Variants in GNAT3 observed in about 807,000 individuals in gnomAD.
The protein encoded by GNAT3 is guanine nucleotide-binding protein G(t) subunit alpha-3.
GNAT3 carries 31 observed loss-of-function variants against 37.7 expected under a neutral mutation model. That is an observed-to-expected ratio of 0.82 (90% CI 0.62 to 1.11). GNAT3 has a LOEUF of 1.11. GNAT3 is among the 50% of genes most tolerant of loss of function. GNAT3 has a pLI of 0.00. For missense variants in GNAT3, 437 were observed against 412.5 expected (o/e 1.06, Z -0.51); for synonymous variants, 138 against 139.8 (o/e 0.99, Z 0.09).
At chr7:80,501,913 G>A (rs1375837941) in intron 1 of GNAT3, among the ~76,000 whole-genome samples, 1 of 151,898 alleles carries the variant, frequency 6.6e-6, no homozygotes, top group East Asian at 1.9e-4. Flanking sequence ...TTCCTCATCA[G>A]CCAAACTAAG....
intron 3 of GNAT3, among the ~76,000 whole-genome samples, chr7:80,488,292 T>G (rs1790527162): frequency 6.6e-6 from 1 of 152,168 alleles, no homozygotes; most frequent in African/African-American, 2.4e-5. Context: ...GGTGTATTAT[T>G]TGATATTAAG....
At chr7:80,492,615 C>A (rs1326566043) in intron 2 of GNAT3, among the ~76,000 whole-genome samples, 2 of 151,406 alleles carry the variant, frequency 1.3e-5, no homozygotes, top group East Asian at 3.9e-4. Context: ...TGATATAAGC[C>A]TTTTATACAG....
At chr7:80,494,342 G>T (rs1329115589) in intron 2 of GNAT3, among the ~76,000 whole-genome samples, 9 of 152,086 alleles carry the variant, frequency 5.9e-5, no homozygotes, top group Admixed American at 2.0e-4. Context: ...GATATCCCCA[G>T]ATTAATATGA....
chr7:80,464,553 A>G (rs1376047069), intron 5 of GNAT3, among the ~76,000 whole-genome samples: 2 of 152,106 alleles, frequency 1.3e-5, no homozygotes, highest in Non-Finnish European at 2.9e-5. Context: ...TTGTTGTGTT[A>G]GATCACTTTG....
intron 5 of GNAT3, among the ~76,000 whole-genome samples, chr7:80,467,909 G>T (rs1382825877): frequency 2.0e-5 from 3 of 151,898 alleles, no homozygotes; most frequent in Non-Finnish European, 4.4e-5. Context: ...CCTCATTTGG[G>T]ATTTTGTGTG....
At chr7:80,471,164 A>G (rs951710594) in intron 5 of GNAT3, among the ~76,000 whole-genome samples, 1 of 148,716 alleles carries the variant, frequency 6.7e-6, no homozygotes, top group Non-Finnish European at 1.5e-5. Flanking sequence ...AGAAAGATGT[A>G]GGCTGGGAGG....
At chr7:80,509,104 A>G (rs1791007556) in intron 1 of GNAT3, among the ~76,000 whole-genome samples, 1 of 151,974 alleles carries the variant, frequency 6.6e-6, no homozygotes, top group Non-Finnish European at 1.5e-5. Context: ...ATTGGTGAGG[A>G]GATTTGAGGG....
intron 3 of GNAT3, among the ~76,000 whole-genome samples, chr7:80,485,188 T>C (rs760020756): frequency 1.3e-5 from 2 of 151,076 alleles, no homozygotes; most frequent in Non-Finnish European, 3.0e-5. Context: ...TTTTTAACAC[T>C]CTTCCCTAGA....
chr7:80,508,189 A>G (rs79975508), intron 1 of GNAT3, among the ~76,000 whole-genome samples: 1 of 151,888 alleles, frequency 6.6e-6, no homozygotes, highest in Admixed American at 6.6e-5. Context: ...GGTGTTTTGA[A>G]TATGAAGAAA....
intron 4 of GNAT3, among the ~76,000 whole-genome samples, chr7:80,475,473 A>G (rs1036696195): frequency 1.3e-5 from 2 of 152,058 alleles, no homozygotes; most frequent in African/African-American, 4.8e-5. Context: ...TTTCTGTAAA[A>G]CTTTCAGATA....
rs1347416233 is a variant in GNAT3, at chr7:80,508,627, AG to A, written c.118+3181del. Among the ~76,000 whole-genome samples, 28 of 152,174 alleles carry A rather than the reference AG, an allele frequency of 1.8e-4. No homozygotes were observed. In the East Asian group the frequency reaches 5.4e-3, roughly 29 times the overall value. On this transcript the variant is annotated intron_variant, in intron 1 of 7. Coordinates refer to ENST00000398291, the MANE Select transcript of GNAT3 (RefSeq NM_001102386.3). ...TGAGTCATCTCCAGTGTTTCCTAAA[AG>A]CCTACTTTTTGCTAAAATAAAACAC...
intron 6 of GNAT3, 50 bp downstream of exon 6, chr7:80,462,452 A>G (rs372115532): frequency 5.7e-5 from 91 of 1,601,438 alleles, no homozygotes; most frequent in Non-Finnish European, 7.5e-5. Context: ...TACTACTGAA[A>G]AGCACAAAGA....
intron 4 of GNAT3, 22 bp from the exon 5 acceptor site, chr7:80,474,401 TA>T (rs1192197685): frequency 8.9e-7 from 1 of 1,127,650 alleles, no homozygotes; most frequent in Non-Finnish European, 1.3e-6. Flanking sequence ...AAAACAAAAT[TA>T]TATATGTGTA....
At chr7:80,475,460 C>A (rs940549958) in intron 4 of GNAT3, among the ~76,000 whole-genome samples, 5 of 151,306 alleles carry the variant, frequency 3.3e-5, no homozygotes, top group Admixed American at 6.6e-5. Context: ...AGCAATATCA[C>A]TATTTCTGTA....
chr7:80,492,176 C>CAA (rs71079120), intron 2 of GNAT3, among the ~76,000 whole-genome samples: 4,596 of 136,286 alleles, frequency 0.034, 126 homozygotes, highest in South Asian at 0.11. Flanking sequence ...CTAAAAATAC[C>CAA]AAAAAAAAAA....
At chr7:80,492,959 C>A (rs1790621625) in intron 2 of GNAT3, among the ~76,000 whole-genome samples, 1 of 151,890 alleles carries the variant, frequency 6.6e-6, no homozygotes, top group African/African-American at 2.4e-5. Context: ...TTTCTATACT[C>A]TCTATTCATA....
chr7:80,470,254 C>T (rs1403054016), intron 5 of GNAT3, among the ~76,000 whole-genome samples: 1 of 151,690 alleles, frequency 6.6e-6, no homozygotes, highest in African/African-American at 2.4e-5. Flanking sequence ...CAGAGTCTTG[C>T]TCTGTCACCC....
At chr7:80,493,598 CTCTT>C (rs1359003272) in intron 2 of GNAT3, among the ~76,000 whole-genome samples, 2 of 123,636 alleles carry the variant, frequency 1.6e-5, no homozygotes, top group Admixed American at 7.5e-5. Flanking sequence ...CTTCATCCTC[CTCTT>C]TCCTCCTCCT....
intron 4 of GNAT3, among the ~76,000 whole-genome samples, chr7:80,478,277 T>C (rs1790337734): frequency 6.6e-6 from 1 of 152,224 alleles, no homozygotes; most frequent in South Asian, 2.1e-4. Flanking sequence ...CCTAATTTCC[T>C]TATGGTTAAT....
Sources: allele counts gnomAD v4.1 joint callset (sites outside exome capture counted in the v4.1 genomes callset), GRCh38; gene constraint gnomAD v4.1.1; transcripts MANE v1.5; gene names NCBI Gene and HGNC (gene_info 2026-07-23, HGNC 2026-07-21).